Variants in ENTPD7 observed in about 807,000 individuals in gnomAD.
ENTPD7 encodes NTPDase 7.
A neutral mutation model predicts 77.9 loss-of-function variants in ENTPD7; 53 were observed. The observed-to-expected ratio is 0.68, with a 90% confidence interval of 0.55 to 0.85. The LOEUF (loss-of-function observed/expected upper bound fraction) is 0.85, where lower values mean the gene tolerates loss of function less well. ENTPD7 is among the 40% of genes least tolerant of loss of function. The pLI, the probability that ENTPD7 is intolerant of heterozygous loss-of-function variation, is 0.00. For synonymous variants in ENTPD7, 248 were observed against 274.9 expected (o/e 0.90, Z 0.97); for missense variants, 636 against 743.7 (o/e 0.86, Z 1.68).
In ENTPD7 at chr10:99,670,450, TAC is replaced by T. The variant is rs374438337; in HGVS notation, c.192-8809_192-8808del. Among the ~76,000 whole-genome samples, 1,222 of 152,304 alleles carry T rather than the reference TAC, an allele frequency of 8.0e-3. 7 individuals carry two copies. The highest frequency in any genetic ancestry group is 0.024 in the Middle Eastern group (7 of 294). On this transcript the variant is annotated intron_variant, in intron 3 of 12. Coordinates refer to ENST00000370489, the MANE Select transcript of ENTPD7 (RefSeq NM_020354.5). ...ATTGTTAAAATTTATTAATTTTTCA[TAC>T]AGTCGTGTGTTATATAATGATTGGG...
chr10:99,679,702 C>T, intron 4 of ENTPD7, 23 bp from the exon 5 acceptor site: 1 of 1,594,228 alleles, frequency 6.3e-7, no homozygotes, highest in Non-Finnish European at 8.5e-7. Context: ...AAAGTTTTGT[C>T]TGTTTGTTTG....
Position 99,705,142 on chromosome 10 carries a change from A to G in ENTPD7, c.*459A>G, listed in dbSNP as rs2036227175. On this transcript the variant is annotated 3_prime_UTR_variant, in exon 13 of 13. Coordinates refer to ENST00000370489, the MANE Select transcript of ENTPD7 (RefSeq NM_020354.5). ...TAACAGAGATATCATTTATGTGGAGATCCACAACCTTTAACAGGGATCCAA... is the reference window on the plus strand; with the variant it reads ...TAACAGAGATATCATTTATGTGGAGGTCCACAACCTTTAACAGGGATCCAA... 6.0e-6 allele frequency: 1 copy of G among 166,722 alleles called. No homozygotes were observed. The highest frequency in any genetic ancestry group is 1.3e-5 in the Non-Finnish European group (1 of 75,216). 10.3% of individuals were successfully genotyped at this position (166,722 alleles called of 1,614,324 possible). A position where few individuals can be genotyped will look rare whatever the true frequency, so the allele number is the denominator to read the frequency against.
chr10:99,704,610 G>A lies in ENTPD7; in HGVS notation c.1742G>A (p.Arg581Gln), dbSNP rs150584095. The A allele has an allele frequency of 2.5e-5, 41 of 1,614,096 alleles. No homozygotes were observed. The highest frequency in any genetic ancestry group is 2.5e-4 in the East Asian group (11 of 44,858). Residue 581 changes from arginine (R) to glutamine (Q), a missense_variant, in exon 13 of 13, where the codon CGA (arginine) becomes CAA (glutamine). Arg to Gln is a conservative substitution (Grantham distance 43). Coordinates refer to ENST00000370489, the MANE Select transcript of ENTPD7 (RefSeq NM_020354.5). ...RLRRIHHRQT[R>Q]ASAPLDLLWL... Reference sequence around the variant, plus strand: ...CGCCGAATTCACCACCGACAAACACGAGCCTCAGCTCCATTGGACTTGCTG... The same window carrying A: ...CGCCGAATTCACCACCGACAAACACAAGCCTCAGCTCCATTGGACTTGCTG...
chr10:99,704,640 T>C lies in ENTPD7; in HGVS notation c.1772T>C (p.Leu591Pro), dbSNP rs1276652517. Residue 591 changes from leucine to proline, a missense_variant, in exon 13 of 13, where the codon CTT becomes CCT. Leu to Pro is a moderately conservative substitution (Grantham distance 98). This residue lies in a region of ENTPD7 where 138 missense variants were observed against 150.9 expected (regional missense o/e 0.91). Transcript: ENST00000370489. ...TCAGCTCCATTGGACTTGCTGTGGCTTGAAGAGGTGGTGCCCATGATGGGA... is the reference window on the plus strand; with the variant it reads ...TCAGCTCCATTGGACTTGCTGTGGCCTGAAGAGGTGGTGCCCATGATGGGA... ...RASAPLDLLW[L>P]EEVVPMMGVQ... 6.2e-7 allele frequency: 1 copy of C among 1,613,986 alleles called. No homozygotes were observed. Among genetic ancestry groups the C allele is most frequent in the Non-Finnish European group, 8.5e-7 (1 of 1,179,984 alleles).
intron 7 of ENTPD7, among the ~76,000 whole-genome samples, chr10:99,689,398 A>C (rs1286088950): frequency 6.6e-6 from 1 of 152,146 alleles, no homozygotes; most frequent in Non-Finnish European, 1.5e-5. Context: ...CCTGCCTTTA[A>C]AAGCAAGAAA....
In ENTPD7 at chr10:99,704,665, A is replaced by T. The variant is rs1236141372; in HGVS notation, c.1797A>T (p.Gly599=). The part of the protein sequence containing the change: ...LWLEEVVPMM[G]VQVGP ...TTGAAGAGGTGGTGCCCATGATGGG[A>T]GTACAGGTGGGGCCGTGAGGCTGGA... The change falls in exon 13 of 13, where the codon GGA becomes GGT. Residue 599 remains glycine (G), a synonymous_variant. Coordinates refer to ENST00000370489, the MANE Select transcript of ENTPD7 (RefSeq NM_020354.5). 6.2e-7 allele frequency: 1 copy of T among 1,613,672 alleles called. No individual in the cohort carries two copies.
rs530558455 is a variant in ENTPD7, at chr10:99,704,798, T to G, written c.*115T>G. The G allele has an allele frequency of 3.2e-6, 3 of 951,250 alleles. No homozygotes were observed. The highest frequency in any genetic ancestry group is 5.2e-5 in the Admixed American group (2 of 38,562). The allele number at this position is 951,250 out of a possible 1,614,324, so 58.9% of individuals were successfully genotyped here. On this transcript the variant is annotated 3_prime_UTR_variant, in exon 13 of 13. Coordinates refer to ENST00000370489, the MANE Select transcript of ENTPD7 (RefSeq NM_020354.5). The stretch of plus-strand genomic sequence containing the variant: ...TGTCTGACCTTGTGGATATTTGCCC[T>G]TGGAATTTCTACTTTACTTTCTACC...
In ENTPD7 at chr10:99,666,294, G is replaced by A. The variant is rs530447654; in HGVS notation, c.191+4666G>A. ...GCTATCTCGGCTCACTACAACCTCCGCCTCCCAGGTTCAAGCAATTCTCCT... is the reference window on the plus strand; with the variant it reads ...GCTATCTCGGCTCACTACAACCTCCACCTCCCAGGTTCAAGCAATTCTCCT... On this transcript the variant is annotated intron_variant, in intron 3 of 12. Coordinates refer to ENST00000370489, the MANE Select transcript of ENTPD7 (RefSeq NM_020354.5). Among the ~76,000 whole-genome samples, 38 of 151,720 alleles carry A rather than the reference G, an allele frequency of 2.5e-4. No homozygotes were observed. The East Asian group carries it at 6.2e-3, about 25-fold the overall frequency.
At chr10:99,683,768 A>G (rs1364349819) in intron 5 of ENTPD7, among the ~76,000 whole-genome samples, 3 of 147,994 alleles carry the variant, frequency 2.0e-5, no homozygotes, top group Non-Finnish European at 2.9e-5. Context: ...ATACATGTAG[A>G]TATAAGTAGA....
At chr10:99,660,595 T>C (rs533668897) in intron 2 of ENTPD7, 3 of 251,520 alleles carry the variant, frequency 1.2e-5, no homozygotes, top group South Asian at 1.0e-4. Context: ...TTGGTGTATA[T>C]TTATGCTTGT....
chr10:99,660,104 G>A, intron 2 of ENTPD7, 140 bp downstream of exon 2: 1 of 1,325,598 alleles, frequency 7.5e-7, no homozygotes, highest in African/African-American at 1.5e-5. Context: ...TGGATGCAGA[G>A]ACGATCAAAG....
In ENTPD7 at chr10:99,688,750, GGTGA is replaced by G. The variant is rs2035844169; in HGVS notation, c.709+3_709+6del. On this transcript the variant is annotated splice_donor_variant and splice_donor_region_variant and intron_variant, in intron 7 of 12. Transcript: ENST00000370489. LOFTEE classifies it high-confidence loss of function. Reference sequence around the variant, plus strand: ...TTTGGGAAGATTCGACCACGAGGATGGTGAGTAATATTGTCTTTTTATGACAGTT... The same window carrying G: ...TTTGGGAAGATTCGACCACGAGGATGGTAATATTGTCTTTTTATGACAGTT... 6.2e-7 allele frequency: 1 copy of G among 1,613,792 alleles called. No individual in the cohort carries two copies. Among genetic ancestry groups the G allele is most frequent in the Non-Finnish European group, 8.5e-7 (1 of 1,179,800 alleles).
At chr10:99,660,344 A>G in intron 2 of ENTPD7, 3 of 1,173,164 alleles carry the variant, frequency 2.6e-6, no homozygotes, top group Non-Finnish European at 3.2e-6. Flanking sequence ...GAATCAATAT[A>G]CAAAGTGAAC....
intron 5 of ENTPD7, among the ~76,000 whole-genome samples, chr10:99,680,513 C>T (rs1234562405): frequency 6.6e-6 from 1 of 152,084 alleles, no homozygotes; most frequent in Admixed American, 6.5e-5. Context: ...GAAGAATGAG[C>T]TCCCTGACTT....
At chr10:99,669,301 ATTAC>A (rs1466009981) in intron 3 of ENTPD7, among the ~76,000 whole-genome samples, 2 of 152,086 alleles carry the variant, frequency 1.3e-5, no homozygotes, top group Non-Finnish European at 2.9e-5. Flanking sequence ...AAATATTTTA[ATTAC>A]TTTTGCATTG....
intron 8 of ENTPD7, among the ~76,000 whole-genome samples, chr10:99,693,919 A>G (rs2035925581): frequency 6.7e-6 from 1 of 148,328 alleles, no homozygotes; most frequent in Non-Finnish European, 1.5e-5. Context: ...CCCCATCTCA[A>G]AAAAAAAAAA....
intron 7 of ENTPD7, among the ~76,000 whole-genome samples, chr10:99,691,113 A>G (rs2035877092): frequency 6.6e-6 from 1 of 152,000 alleles, no homozygotes; most frequent in Admixed American, 6.6e-5. Flanking sequence ...CAGCCTCCTG[A>G]GTAGCTGGGA....
At chr10:99,693,926 A>T (rs535502564) in intron 8 of ENTPD7, among the ~76,000 whole-genome samples, 4 of 152,304 alleles carry the variant, frequency 2.6e-5, no homozygotes, top group Admixed American at 1.3e-4. Context: ...TCAAAAAAAA[A>T]AAAAATAGTA....
At chr10:99,688,870 T>C in intron 7 of ENTPD7, 120 bp downstream of exon 7, 2 of 902,896 alleles carry the variant, frequency 2.2e-6, no homozygotes, top group Non-Finnish European at 3.5e-6. Context: ...CATAAGATGC[T>C]TCATTTTCCA....
Sources: gnomAD v4.1 joint callset for allele counts (sites outside exome capture counted in the v4.1 genomes callset) on GRCh38, gnomAD v4.1.1 for gene constraint, gnomAD v4.1.1 regional missense constraint, MANE v1.5 for transcripts, NCBI Gene and HGNC (gene_info 2026-07-23, HGNC 2026-07-21) for gene names.